Variants in CNBD1 observed in about 807,000 individuals in gnomAD.
The protein encoded by CNBD1 is cyclic nucleotide-binding domain-containing protein 1.
CNBD1 carries 71 observed loss-of-function variants against 54.4 expected under a neutral mutation model. The ratio of observed to expected loss-of-function variants is 1.30; its 90% confidence interval spans 1.08 to 1.59. CNBD1 has a LOEUF of 1.59. Ranked by LOEUF, CNBD1 falls within the 40% of genes most tolerant of loss-of-function variation. The pLI is 0.00. For missense variants in CNBD1, 659 were observed against 518.0 expected, an observed-to-expected ratio of 1.27 and a Z score of -2.64; for synonymous variants, 182 against 170.7, an observed-to-expected ratio of 1.07 and a Z score of -0.51.
chr8:87,396,728 GTTTTCC>G (rs1287054615), intron 2 of CNBD1, among the ~76,000 whole-genome samples: 2 of 151,418 alleles, frequency 1.3e-5, no homozygotes, highest in Non-Finnish European at 3.0e-5. Flanking sequence ...AGTATTAAAA[GTTTTCC>G]TTTTACATAT....
intron 4 of CNBD1, among the ~76,000 whole-genome samples, chr8:87,103,722 C>T (rs942312897): frequency 8.5e-5 from 13 of 152,150 alleles, no homozygotes; most frequent in African/African-American, 2.7e-4. Flanking sequence ...GTCCCACCCA[C>T]GACACATGGG....
chr8:86,984,155 G>A (rs1360724705), intron 4 of CNBD1, among the ~76,000 whole-genome samples: 6 of 152,172 alleles, frequency 3.9e-5, no homozygotes, highest in African/African-American at 1.4e-4. Context: ...CATAGAGCTT[G>A]GGCTGTGGCT....
intron 2 of CNBD1, among the ~76,000 whole-genome samples, chr8:87,414,910 T>C (rs1427014521): frequency 2.0e-5 from 3 of 152,074 alleles, no homozygotes; most frequent in Non-Finnish European, 4.4e-5. Context: ...CAGGATTTCC[T>C]TAAATGACTT....
intron 3 of CNBD1, among the ~76,000 whole-genome samples, chr8:86,931,649 C>CT (rs139581052): frequency 0.013 from 1,952 of 152,234 alleles, 34 homozygotes; most frequent in Middle Eastern, 0.041. Flanking sequence ...GTTCCTTCCT[C>CT]TTTGTCCCTA....
chr8:87,344,503 C>T (rs1459657080), intron 8 of CNBD1, among the ~76,000 whole-genome samples: 1 of 151,890 alleles, frequency 6.6e-6, no homozygotes. Flanking sequence ...GGTTGGGTCA[C>T]CAATATCTGT....
chr8:87,285,191 C>T (rs1283770456), intron 7 of CNBD1, among the ~76,000 whole-genome samples: 1 of 152,086 alleles, frequency 6.6e-6, no homozygotes, highest in Non-Finnish European at 1.5e-5. Context: ...CTGCTGCTTT[C>T]CCAGTCTCTG....
chr8:87,284,857 A>C, intron 7 of CNBD1, 42 bp downstream of exon 7: 1 of 1,410,456 alleles, frequency 7.1e-7, no homozygotes, highest in Non-Finnish European at 9.6e-7. Flanking sequence ...AAAATTGGGC[A>C]TAAACTCAAG....
Position 87,141,449 on chromosome 8 carries a change from A to G in CNBD1, c.432-64544A>G, listed in dbSNP as rs533588977. On this transcript the variant is annotated intron_variant, in intron 4 of 10. Coordinates refer to ENST00000518476, the MANE Select transcript of CNBD1 (RefSeq NM_173538.3). ...GTTAGTTCAATTACTGTGCAGACCT[A>G]TATTCTAAATTATCAGCAAATCACA... Among the ~76,000 whole-genome samples, 18 of 152,272 alleles carry G rather than the reference A, an allele frequency of 1.2e-4. 1 individual carries two copies. In the South Asian group the frequency reaches 3.7e-3, roughly 32 times the overall value.
chr8:87,295,557 C>T lies in CNBD1; in HGVS notation c.1042+8886C>T, dbSNP rs184754345. Among the ~76,000 whole-genome samples, 6 of 151,976 alleles carry T rather than the reference C, an allele frequency of 3.9e-5. No individual in the cohort carries two copies. The East Asian group carries it at 7.7e-4, about 20-fold the overall frequency. On this transcript the variant is annotated intron_variant, in intron 8 of 10. Coordinates refer to ENST00000518476, the MANE Select transcript of CNBD1 (RefSeq NM_173538.3). ...AATGGAACACTCATCTATTCAAATT[C>T]CCCATGAGTAGATGGAGCTTTTCAT... is the stretch of plus-strand genomic sequence containing the variant.
chr8:87,407,846 AT>A (rs1166551485), intron 2 of CNBD1, among the ~76,000 whole-genome samples: 2 of 151,886 alleles, frequency 1.3e-5, no homozygotes, highest in Non-Finnish European at 2.9e-5. Flanking sequence ...ACTGCTTTGT[AT>A]TTTTTATTGA....
intron 4 of CNBD1, among the ~76,000 whole-genome samples, chr8:87,188,190 G>A (rs1813519733): frequency 6.6e-6 from 1 of 152,034 alleles, no homozygotes; most frequent in Non-Finnish European, 1.5e-5. Context: ...CACGATCTCT[G>A]GGAAACATTT....
chr8:87,419,232 A>G (rs973263183), intron 2 of CNBD1, among the ~76,000 whole-genome samples: 5 of 151,928 alleles, frequency 3.3e-5, no homozygotes. Context: ...CATGTCTAGA[A>G]TAGGCAAACA....
chr8:87,161,622 A>G (rs976519798), intron 4 of CNBD1, among the ~76,000 whole-genome samples: 3 of 152,164 alleles, frequency 2.0e-5, no homozygotes, highest in African/African-American at 7.2e-5. Flanking sequence ...GAGATCTTGA[A>G]TTGTTAGAAA....
intron 4 of CNBD1, among the ~76,000 whole-genome samples, chr8:86,998,425 C>CA (rs1215693716): frequency 2.6e-5 from 4 of 151,748 alleles, no homozygotes; most frequent in African/African-American, 4.8e-5. Flanking sequence ...ACAAAAAATG[C>CA]AAAAAAACTG....
At chr8:87,259,408 A>AT (rs1487535208) in intron 6 of CNBD1, among the ~76,000 whole-genome samples, 4 of 152,212 alleles carry the variant, frequency 2.6e-5, no homozygotes, top group Admixed American at 6.6e-5. Flanking sequence ...ACCTTAAAGC[A>AT]TTTAGCAAAC....
chr8:87,232,720 C>T (rs147959999), intron 5 of CNBD1, among the ~76,000 whole-genome samples: 1,873 of 152,146 alleles, frequency 0.012, 54 homozygotes, highest in African/African-American at 0.043. Flanking sequence ...GACTTCTTTA[C>T]ATTAAAATGC....
At chr8:86,946,681 A>G (rs1228846313) in intron 4 of CNBD1, among the ~76,000 whole-genome samples, 3 of 147,224 alleles carry the variant, frequency 2.0e-5, no homozygotes, top group Non-Finnish European at 3.0e-5. Flanking sequence ...CTCTATTGGG[A>G]ATTTTTATCA....
At chr8:87,344,777 T>C (rs1033236335) in intron 8 of CNBD1, among the ~76,000 whole-genome samples, 1 of 152,176 alleles carries the variant, frequency 6.6e-6, no homozygotes, top group African/African-American at 2.4e-5. Flanking sequence ...ATCCATGTAC[T>C]TCCTTTGACC....
chr8:87,091,593 C>A (rs1254884155), intron 4 of CNBD1, among the ~76,000 whole-genome samples: 1 of 152,130 alleles, frequency 6.6e-6, no homozygotes, highest in Admixed American at 6.5e-5. Context: ...GCTCAGCAAA[C>A]AAATTCTCAG....
Sources: gnomAD v4.1 joint callset for allele counts (sites outside exome capture counted in the v4.1 genomes callset) on GRCh38, gnomAD v4.1.1 for gene constraint, MANE v1.5 for transcripts, NCBI Gene and HGNC (gene_info 2026-07-23, HGNC 2026-07-21) for gene names.